Variants in VEPH1 observed in about 807,000 individuals in gnomAD.
VEPH1 encodes ventricular zone-expressed PH domain-containing protein homolog 1.
A neutral mutation model predicts 85.2 loss-of-function variants in VEPH1; 80 were observed. The observed-to-expected ratio is 0.94, with a 90% confidence interval of 0.78 to 1.13. VEPH1 has a LOEUF of 1.13. Among genes scored for constraint, VEPH1 ranks in the 50% most tolerant of loss-of-function variants. The pLI is 0.00. For synonymous variants in VEPH1, 297 were observed against 348.0 expected, an observed-to-expected ratio of 0.85 and a Z score of 1.63; for missense variants, 955 against 980.5, an observed-to-expected ratio of 0.97 and a Z score of 0.35.
chr3:157,485,329 A>G (rs1169862969), intron 2 of VEPH1, among the ~76,000 whole-genome samples: 1 of 152,204 alleles, frequency 6.6e-6, no homozygotes, highest in East Asian at 1.9e-4. Context: ...CATGTAGGCC[A>G]TGACAACTAT....
rs1401905772 is a variant in VEPH1, at chr3:157,479,434, G to A, written c.139-8905C>T. Among the ~76,000 whole-genome samples, 7 of 152,254 alleles carry A rather than the reference G, an allele frequency of 4.6e-5. No homozygotes were observed. The South Asian group carries it at 6.2e-4, about 14-fold the overall frequency. On this transcript the variant is annotated intron_variant, in intron 2 of 13. Transcript: ENST00000362010. ...GTTCACTCTCACTCAACACACCTCC[G>A]CTTCAGCATTCATTAACCTTTTATG...
At chr3:157,331,251 G>C (rs774923830) in intron 9 of VEPH1, among the ~76,000 whole-genome samples, 1 of 152,160 alleles carries the variant, frequency 6.6e-6, no homozygotes, top group African/African-American at 2.4e-5. Flanking sequence ...AAGTGATACC[G>C]TCTGGAGTTC....
rs544899314 is a variant in VEPH1 at position 157,330,950 on chromosome 3, T to C, written c.1736-13749A>G. Among the ~76,000 whole-genome samples, 4 of 152,340 alleles carry C rather than the reference T, an allele frequency of 2.6e-5. No homozygotes were observed. In the South Asian group the frequency reaches 8.3e-4, roughly 32 times the overall value. ...TCCTGGTGGGACCCACCCCATCCTT[T>C]TGTTGGAATAGAAGCCACCTCTGAA... On this transcript the variant is annotated intron_variant, in intron 9 of 13. Transcript: ENST00000362010.
At chr3:157,270,551 A>G (rs1714410475) in intron 12 of VEPH1, among the ~76,000 whole-genome samples, 1 of 152,200 alleles carries the variant, frequency 6.6e-6, no homozygotes, top group Admixed American at 6.5e-5. Flanking sequence ...TGCTAAAAAA[A>G]TGAATTTTGA....
intron 3 of VEPH1, among the ~76,000 whole-genome samples, chr3:157,463,080 AT>A (rs1277951702): frequency 1.3e-5 from 2 of 152,212 alleles, no homozygotes; most frequent in African/African-American, 4.8e-5. Flanking sequence ...TGGTAATATC[AT>A]TTGAGCCCAA....
At chr3:157,293,424 T>C (rs142587335) in intron 11 of VEPH1, among the ~76,000 whole-genome samples, 1 of 152,212 alleles carries the variant, frequency 6.6e-6, no homozygotes, top group Non-Finnish European at 1.5e-5. Context: ...TATACTTCTA[T>C]CCTTTGAGTC....
chr3:157,330,899 G>C (rs562328720), intron 9 of VEPH1, among the ~76,000 whole-genome samples: 20 of 152,346 alleles, frequency 1.3e-4, no homozygotes, highest in Middle Eastern at 3.4e-3. Flanking sequence ...TACATAAACA[G>C]TAAGCTATGG....
intron 12 of VEPH1, among the ~76,000 whole-genome samples, chr3:157,272,126 T>C (rs1157504219): frequency 6.6e-6 from 1 of 152,164 alleles, no homozygotes; most frequent in African/African-American, 2.4e-5. Flanking sequence ...CTAATAATTT[T>C]CCATGGAAAC....
intron 9 of VEPH1, among the ~76,000 whole-genome samples, chr3:157,328,629 C>T (rs1051438101): frequency 2.0e-5 from 3 of 152,104 alleles, no homozygotes; most frequent in South Asian, 2.1e-4. Flanking sequence ...GCTCTCTGAG[C>T]GTCTCCAAAG....
At chr3:157,498,100 A>G (rs547953780) in intron 1 of VEPH1, among the ~76,000 whole-genome samples, 5 of 152,314 alleles carry the variant, frequency 3.3e-5, no homozygotes, top group African/African-American at 1.2e-4. Context: ...TTTATGGAGG[A>G]AATGGTATTT....
At chr3:157,418,255 C>T (rs1297437508) in intron 5 of VEPH1, among the ~76,000 whole-genome samples, 2 of 152,108 alleles carry the variant, frequency 1.3e-5, no homozygotes, top group Non-Finnish European at 2.9e-5. Flanking sequence ...AGGGCAGCAA[C>T]CCTGAATTCC....
At chr3:157,318,303 G>A (rs189717190) in intron 9 of VEPH1, among the ~76,000 whole-genome samples, 2 of 152,148 alleles carry the variant, frequency 1.3e-5, no homozygotes, top group Non-Finnish European at 2.9e-5. Context: ...CATTTTAAGT[G>A]AAATGTTTTG....
intron 9 of VEPH1, among the ~76,000 whole-genome samples, chr3:157,324,569 C>T (rs543785084): frequency 1.8e-4 from 27 of 152,012 alleles, no homozygotes; most frequent in South Asian, 1.2e-3. Context: ...CCTTTTTATA[C>T]GTGAGAACAT....
chr3:157,343,751 T>C (rs564523230), intron 9 of VEPH1, among the ~76,000 whole-genome samples: 56 of 152,302 alleles, frequency 3.7e-4, no homozygotes, highest in Non-Finnish European at 6.2e-4. Flanking sequence ...CCAATATCCC[T>C]GATGAACATC....
At chr3:157,436,866 G>A (rs181499481) in intron 4 of VEPH1, 1 of 1,553,738 alleles carries the variant, frequency 6.4e-7, no homozygotes, top group African/African-American at 1.4e-5. Flanking sequence ...ACTCTCCTCC[G>A]CTCAAACTCA....
chr3:157,279,137 C>G (rs1480690118), intron 12 of VEPH1, among the ~76,000 whole-genome samples: 1 of 152,100 alleles, frequency 6.6e-6, no homozygotes, highest in Non-Finnish European at 1.5e-5. Flanking sequence ...ATATATAGAT[C>G]TGGAAGTTGT....
chr3:157,408,494 T>A (rs1731299818), intron 6 of VEPH1, among the ~76,000 whole-genome samples: 1 of 152,164 alleles, frequency 6.6e-6, no homozygotes. Context: ...CAAGTACTCA[T>A]TCAGTCTTAT....
intron 11 of VEPH1, among the ~76,000 whole-genome samples, chr3:157,310,204 A>G (rs1008804597): frequency 1.1e-4 from 16 of 152,224 alleles, no homozygotes; most frequent in African/African-American, 3.6e-4. Flanking sequence ...GAGATTATCA[A>G]TCAGGTTCAT....
intron 1 of VEPH1, among the ~76,000 whole-genome samples, chr3:157,498,984 T>C (rs1390964519): frequency 6.6e-6 from 1 of 152,198 alleles, no homozygotes; most frequent in Non-Finnish European, 1.5e-5. Context: ...CACTAGATGC[T>C]TTCTTCTTTT....
Sources: allele counts gnomAD v4.1 joint callset (sites outside exome capture counted in the v4.1 genomes callset), GRCh38; gene constraint gnomAD v4.1.1; transcripts MANE v1.5; gene names NCBI Gene and HGNC (gene_info 2026-07-23, HGNC 2026-07-21).